MON2: variants seen among roughly 807,000 people sequenced by gnomAD.
MON2 encodes MON2 regulator of endosome-to-Golgi trafficking, also known as protein MON2 homolog.
In MON2, 84 loss-of-function variants were observed where a neutral mutation model predicts 208.6. The ratio of observed to expected loss-of-function variants is 0.40; its 90% CI spans 0.34 to 0.48. The LOEUF is 0.48. Ranked by LOEUF, MON2 falls within the 20% of genes least tolerant of loss-of-function variation. The pLI, the probability that MON2 is intolerant of heterozygous loss-of-function variation, is 0.59. For missense variants in MON2, 1,611 were observed against 2,015.4 expected, an observed-to-expected ratio of 0.80 and a Z score of 3.84; for synonymous variants, 660 against 694.0, an observed-to-expected ratio of 0.95 and a Z score of 0.77.
chr12:62,529,944 G>A (rs964282249), intron 11 of MON2, among the ~76,000 whole-genome samples: 4 of 152,074 alleles, frequency 2.6e-5, no homozygotes, highest in Non-Finnish European at 5.9e-5. Flanking sequence ...TCAAATCAGG[G>A]TAATTGTGTT....
In MON2 at chr12:62,599,186, GA is replaced by G. The variant is rs1199697141; in HGVS notation, c.*6443del. The G allele has an allele frequency of 5.3e-5, 8 of 152,036 alleles. No homozygotes were observed. Among genetic ancestry groups the G allele is most frequent in the African/African-American group, 1.9e-4 (8 of 41,410 alleles). The allele number at this position is 152,036 out of a possible 1,614,324, so 9.4% of individuals were successfully genotyped here. Reference sequence around the variant, plus strand: ...TATTAAAACCATTAATATATAAAATGAAAAAATAATAAACAGAAGACACGAA... The same window carrying G: ...TATTAAAACCATTAATATATAAAATGAAAAATAATAAACAGAAGACACGAA... On this transcript the variant is annotated 3_prime_UTR_variant, in exon 35 of 35. Transcript: ENST00000393630.
chr12:62,532,819 T>C, intron 12 of MON2, 149 bp downstream of exon 12: 1 of 642,886 alleles, frequency 1.6e-6, no homozygotes, highest in African/African-American at 1.8e-5. Context: ...ATTATATACA[T>C]GTGACTATAC....
At chr12:62,578,797 G>A (rs986420300) in intron 31 of MON2, among the ~76,000 whole-genome samples, 9 of 152,116 alleles carry the variant, frequency 5.9e-5, no homozygotes, top group Non-Finnish European at 1.2e-4. Flanking sequence ...CAGTCAGGAG[G>A]CATATATTTG....
At chr12:62,515,258 A>T (rs2071626731) in intron 8 of MON2, among the ~76,000 whole-genome samples, 1 of 152,262 alleles carries the variant, frequency 6.6e-6, no homozygotes, top group Non-Finnish European at 1.5e-5. Flanking sequence ...TCAGATGAAC[A>T]AACCAAGAAA....
chr12:62,562,710 A>G (rs1358886605), intron 26 of MON2, among the ~76,000 whole-genome samples: 4 of 152,150 alleles, frequency 2.6e-5, no homozygotes, highest in African/African-American at 9.7e-5. Flanking sequence ...ATAGTTATCG[A>G]GCAAAACACT....
At chr12:62,543,633 A>C (rs1259073836) in intron 20 of MON2, among the ~76,000 whole-genome samples, 2 of 151,464 alleles carry the variant, frequency 1.3e-5, no homozygotes. Flanking sequence ...TTTGAGACGG[A>C]ATCTAACTCC....
chr12:62,555,841 T>G (rs897040249), intron 24 of MON2, among the ~76,000 whole-genome samples, 153 bp from the exon 25 acceptor site: 1 of 151,580 alleles, frequency 6.6e-6, no homozygotes, highest in Non-Finnish European at 1.5e-5. Context: ...GTATAATTAC[T>G]CTATTGGTCA....
intron 29 of MON2, among the ~76,000 whole-genome samples, chr12:62,566,898 G>T (rs2074405567): frequency 1.3e-5 from 2 of 152,132 alleles, no homozygotes; most frequent in African/African-American, 2.4e-5. Context: ...AAAAAAATTT[G>T]TTACAGTTCT....
chr12:62,498,900 A>G lies in MON2; in HGVS notation c.436-19A>G, dbSNP rs771141535. 2.5e-6 allele frequency: 4 copies of G among 1,580,840 alleles called. No homozygotes were observed. In the African/African-American group the frequency reaches 5.5e-5, roughly 22 times the overall value. On this transcript the variant is annotated intron_variant, in intron 4 of 34. Transcript: ENST00000393630. ...GCTTTTCAATCTTATTTCACACTAA[A>G]TGAAAATTGTGTTTTCAGGCAATCG... is the stretch of plus-strand genomic sequence containing the variant.
chr12:62,516,401 A>G (rs2071691686), intron 8 of MON2, among the ~76,000 whole-genome samples: 1 of 152,112 alleles, frequency 6.6e-6, no homozygotes, highest in South Asian at 2.1e-4. Flanking sequence ...ACAATAATGT[A>G]CATTCAAAAA....
At chr12:62,537,581 T>C (rs767509797) in intron 15 of MON2, 21 bp from the exon 16 acceptor site, 2 of 1,530,180 alleles carry the variant, frequency 1.3e-6, no homozygotes, top group Non-Finnish European at 1.8e-6. Context: ...TTATTGAAAA[T>C]GTATCCTTTT....
At chr12:62,559,876 A>C (rs1009934750) in intron 25 of MON2, 1 of 152,212 alleles carries the variant, frequency 6.6e-6, no homozygotes, top group Non-Finnish European at 1.5e-5. Context: ...TTTATCTTAA[A>C]TATTTAGGCC....
chr12:62,528,634 C>A (rs1333706903), intron 11 of MON2, among the ~76,000 whole-genome samples: 2 of 152,042 alleles, frequency 1.3e-5, no homozygotes, highest in Non-Finnish European at 2.9e-5. Context: ...AAAGTCTGTG[C>A]CATAGAATTG....
intron 2 of MON2, among the ~76,000 whole-genome samples, chr12:62,485,524 A>G (rs2069719760): frequency 6.6e-6 from 1 of 152,204 alleles, no homozygotes; most frequent in African/African-American, 2.4e-5. Flanking sequence ...TCTGTTTCCC[A>G]CAGCTTTTTC....
chr12:62,474,464 A>G (rs2068960041), intron 1 of MON2, among the ~76,000 whole-genome samples: 1 of 149,426 alleles, frequency 6.7e-6, no homozygotes, highest in Admixed American at 6.7e-5. Flanking sequence ...CACTCATGTT[A>G]TCCAGGCTGG....
At chr12:62,553,505 A>G (rs2073837702) in intron 24 of MON2, 1 of 194,252 alleles carries the variant, frequency 5.1e-6, no homozygotes, top group African/African-American at 2.3e-5. Flanking sequence ...TCAATCCCTT[A>G]CCATAGAGTA....
At chr12:62,483,635 G>T (rs2069582100) in intron 1 of MON2, among the ~76,000 whole-genome samples, 1 of 152,230 alleles carries the variant, frequency 6.6e-6, no homozygotes, top group African/African-American at 2.4e-5. Context: ...AGAATGGCTT[G>T]AACCAGGGAG....
Position 62,508,282 on chromosome 12 carries a change from A to T in MON2, c.790-4A>T. 1 of 1,604,592 alleles carries T rather than the reference A, an allele frequency of 6.2e-7. No homozygotes were observed. Among genetic ancestry groups the T allele is most frequent in the Non-Finnish European group, 8.5e-7 (1 of 1,175,400 alleles). On this transcript the variant is annotated splice_region_variant and splice_polypyrimidine_tract_variant and intron_variant, in intron 7 of 34. Transcript: ENST00000393630. ...TTTTTTCTTTCTTTTTTCCTTGCAA[A>T]TAGCACCAAGAATTTAGTTTCCTCC...
chr12:62,583,960 C>CAAAAAA (rs1301473051), intron 32 of MON2, among the ~76,000 whole-genome samples: 1 of 55,976 alleles, frequency 1.8e-5, no homozygotes, highest in Non-Finnish European at 3.7e-5. Flanking sequence ...GACCCTGTCT[C>CAAAAAA]AAAAAAAAAA....
Sources: gnomAD v4.1 joint callset for allele counts (sites outside exome capture counted in the v4.1 genomes callset) on GRCh38, gnomAD v4.1.1 for gene constraint, MANE v1.5 for transcripts, NCBI Gene and HGNC (gene_info 2026-07-23, HGNC 2026-07-21) for gene names.